Variants in ADAMTS12 observed in about 807,000 individuals in gnomAD.
The protein encoded by ADAMTS12 is A disintegrin and metalloproteinase with thrombospondin motifs 12.
A neutral mutation model predicts 167.8 loss-of-function variants in ADAMTS12; 118 were observed. The observed-to-expected ratio is 0.70, with a 90% CI of 0.61 to 0.82. ADAMTS12 has a LOEUF of 0.82. ADAMTS12 is among the 40% of genes least tolerant of loss of function. The pLI is 0.00. For missense variants in ADAMTS12, 1,916 were observed against 1,998.8 expected, an observed-to-expected ratio of 0.96 and a Z score of 0.79; for synonymous variants, 704 against 716.9, an observed-to-expected ratio of 0.98 and a Z score of 0.29.
At chr5:33,766,455 G>GA (rs1013754816) in intron 2 of ADAMTS12, among the ~76,000 whole-genome samples, 5 of 151,962 alleles carry the variant, frequency 3.3e-5, no homozygotes, top group African/African-American at 4.8e-5. Flanking sequence ...TCCTAGAACA[G>GA]AAAAAAATGA....
At position 33,857,932 on chromosome 5, in the gene ADAMTS12, A is replaced by C. The variant is rs192871380; in HGVS notation, c.489+23187T>G. 4.8e-3 allele frequency among the ~76,000 whole-genome samples: 726 copies of C among 152,358 alleles called. 7 individuals are homozygous for C. Among genetic ancestry groups the C allele is most frequent in the African/African-American group, 0.017 (705 of 41,580 alleles). On this transcript the variant is annotated intron_variant, in intron 2 of 23. Coordinates refer to ENST00000504830, the MANE Select transcript of ADAMTS12 (RefSeq NM_030955.4). ...TATGGTTGGAGACTTCAATACTTCT[A>C]TCTCTCAAAAAATGACAGAACAACT...
chr5:33,738,608 T>C (rs1744449136), intron 3 of ADAMTS12, among the ~76,000 whole-genome samples: 1 of 152,242 alleles, frequency 6.6e-6, no homozygotes, highest in Non-Finnish European at 1.5e-5. Context: ...TCAAAATTGA[T>C]CTTCCTAACA....
intron 2 of ADAMTS12, among the ~76,000 whole-genome samples, chr5:33,864,311 T>G (rs747449476): frequency 3.3e-5 from 5 of 152,150 alleles, no homozygotes; most frequent in African/African-American, 1.2e-4. Context: ...CCAGTTAGAA[T>G]GGCCATCATT....
At chr5:33,575,547 T>C (rs933306402) in intron 19 of ADAMTS12, among the ~76,000 whole-genome samples, 5 of 152,218 alleles carry the variant, frequency 3.3e-5, no homozygotes, top group Non-Finnish European at 7.3e-5. Context: ...TCTCCTTCCC[T>C]ATATATAAAT....
At chr5:33,545,937 C>A (rs929156939) in intron 22 of ADAMTS12, 122 bp downstream of exon 22, 1 of 1,238,284 alleles carries the variant, frequency 8.1e-7, no homozygotes, top group South Asian at 1.6e-5. Context: ...GTGCAGCAAA[C>A]CAACGTGGCA....
At chr5:33,831,340 C>A (rs1207144475) in intron 2 of ADAMTS12, among the ~76,000 whole-genome samples, 1 of 152,166 alleles carries the variant, frequency 6.6e-6, no homozygotes, top group Non-Finnish European at 1.5e-5. Context: ...GAATTCCAGT[C>A]CATGCATTCT....
At chr5:33,559,131 G>C (rs947027691) in intron 20 of ADAMTS12, among the ~76,000 whole-genome samples, 2 of 152,154 alleles carry the variant, frequency 1.3e-5, no homozygotes, top group African/African-American at 4.8e-5. Context: ...TCTGTCTGGG[G>C]ACATGAGCTC....
intron 22 of ADAMTS12, among the ~76,000 whole-genome samples, chr5:33,541,641 G>C (rs1744700991): frequency 6.6e-6 from 1 of 152,214 alleles, no homozygotes; most frequent in African/African-American, 2.4e-5. Context: ...CTGACACTCT[G>C]CAGAAACCCT....
At chr5:33,861,753 T>C (rs1406595719) in intron 2 of ADAMTS12, among the ~76,000 whole-genome samples, 1 of 152,182 alleles carries the variant, frequency 6.6e-6, no homozygotes, top group South Asian at 2.1e-4. Context: ...TTGCACTTAT[T>C]CTAAAATTGA....
intron 3 of ADAMTS12, among the ~76,000 whole-genome samples, chr5:33,746,751 A>T (rs1744802455): frequency 6.6e-6 from 1 of 152,234 alleles, no homozygotes; most frequent in Non-Finnish European, 1.5e-5. Context: ...TGTAGATGTG[A>T]TTAAAGCCTA....
At chr5:33,771,781 T>TGA (rs1745745331) in intron 2 of ADAMTS12, among the ~76,000 whole-genome samples, 1 of 151,934 alleles carries the variant, frequency 6.6e-6, no homozygotes, top group African/African-American at 2.4e-5. Context: ...TGTAGTAAAG[T>TGA]TATACTGCGT....
At chr5:33,592,891 G>T (rs1747718063) in intron 17 of ADAMTS12, among the ~76,000 whole-genome samples, 2 of 152,198 alleles carry the variant, frequency 1.3e-5, no homozygotes, top group Non-Finnish European at 2.9e-5. Flanking sequence ...GGTGACAGAA[G>T]AAGATATTGC....
rs771213228 is a variant in ADAMTS12, at chr5:33,576,837, A to G, written c.3189T>C (p.Gly1063=). 6.2e-7 allele frequency: 1 copy of G among 1,614,112 alleles called. No individual in the cohort carries two copies. The highest frequency in any genetic ancestry group is 8.5e-7 in the Non-Finnish European group (1 of 1,180,024). ...TTGAGCTATCTTGCCACTGTTTCCC[A>G]CCCAGGTCTCCTTCTTTGGAGGCTG... ...PTTASKEGDL[G]GKQWQDSSTQ... The change falls in exon 19 of 24, where the codon GGT becomes GGC. Residue 1063 remains glycine, a synonymous_variant. Coordinates refer to ENST00000504830, the MANE Select transcript of ADAMTS12 (RefSeq NM_030955.4).
At chr5:33,840,784 G>A (rs1456807492) in intron 2 of ADAMTS12, among the ~76,000 whole-genome samples, 3 of 152,198 alleles carry the variant, frequency 2.0e-5, no homozygotes, top group Admixed American at 2.0e-4. Flanking sequence ...CGGCCTGCAG[G>A]TGCAGCCCTT....
At chr5:33,876,390 T>A (rs1483518252) in intron 2 of ADAMTS12, among the ~76,000 whole-genome samples, 1 of 152,218 alleles carries the variant, frequency 6.6e-6, no homozygotes, top group Non-Finnish European at 1.5e-5. Context: ...ATTTCATGAC[T>A]AATTATATAG....
intron 2 of ADAMTS12, among the ~76,000 whole-genome samples, chr5:33,837,159 C>T (rs373785225): frequency 6.6e-6 from 1 of 152,122 alleles, no homozygotes; most frequent in African/African-American, 2.4e-5. Context: ...TAGACAAACT[C>T]TTAGGGAGGA....
intron 3 of ADAMTS12, among the ~76,000 whole-genome samples, chr5:33,713,853 T>A (rs12516802): frequency 6.6e-6 from 1 of 151,350 alleles, no homozygotes; most frequent in Non-Finnish European, 1.5e-5. Flanking sequence ...ATAAATCTAT[T>A]TGGGAGACAT....
Position 33,885,622 on chromosome 5 carries a change from C to A in ADAMTS12, c.128-4142G>T, listed in dbSNP as rs142493588. Among the ~76,000 whole-genome samples, 545 of 152,326 alleles carry A rather than the reference C, an allele frequency of 3.6e-3. 3 individuals are homozygous for A. Among genetic ancestry groups the A allele is most frequent in the African/African-American group, 0.013 (522 of 41,572 alleles). On this transcript the variant is annotated intron_variant, in intron 1 of 23. Coordinates refer to ENST00000504830, the MANE Select transcript of ADAMTS12 (RefSeq NM_030955.4). The stretch of plus-strand genomic sequence containing the variant: ...TATCCAGTAGACAAGATAAGTAAGG[C>A]ATGCCAGTGCCCCATGATACAAGGC...
chr5:33,681,141 T>C (rs1742097003), intron 5 of ADAMTS12, among the ~76,000 whole-genome samples: 2 of 152,130 alleles, frequency 1.3e-5, no homozygotes, highest in South Asian at 2.1e-4. Context: ...AAAGACCACA[T>C]GAAGGGAAAT....
Sources: gnomAD v4.1 joint callset for allele counts (sites outside exome capture counted in the v4.1 genomes callset) on GRCh38, gnomAD v4.1.1 for gene constraint, MANE v1.5 for transcripts, NCBI Gene and HGNC (gene_info 2026-07-23, HGNC 2026-07-21) for gene names.